AKAP6: variants seen among roughly 807,000 people sequenced by gnomAD.
The protein encoded by AKAP6 is A-kinase anchoring protein 6.
AKAP6 carries 58 observed loss-of-function variants against 188.5 expected under a neutral mutation model. The ratio of observed to expected loss-of-function variants is 0.31; its 90% confidence interval spans 0.25 to 0.38. AKAP6 has a LOEUF of 0.38. AKAP6 is among the 10% of genes least tolerant of loss of function. The pLI, the probability that AKAP6 is intolerant of heterozygous loss-of-function variation, is 1.00. For synonymous variants in AKAP6, 989 were observed against 998.6 expected, an observed-to-expected ratio of 0.99 and a Z score of 0.18; for missense variants, 2,710 against 2,740.0, an observed-to-expected ratio of 0.99 and a Z score of 0.24.
At chr14:32,533,779 C>T (rs1407463144) in intron 2 of AKAP6, among the ~76,000 whole-genome samples, 1 of 152,172 alleles carries the variant, frequency 6.6e-6, no homozygotes, top group Non-Finnish European at 1.5e-5. Flanking sequence ...AGTGAGAGCC[C>T]TGCTCTTTTG....
intron 1 of AKAP6, among the ~76,000 whole-genome samples, chr14:32,394,355 C>G (rs1316733043): frequency 6.6e-6 from 1 of 152,106 alleles, no homozygotes; most frequent in African/African-American, 2.4e-5. Context: ...TCCAAAGGAG[C>G]CTGGCAAGTA....
chr14:32,586,770 T>A (rs1036072230), intron 5 of AKAP6, among the ~76,000 whole-genome samples: 11 of 152,274 alleles, frequency 7.2e-5, no homozygotes, highest in Non-Finnish European at 2.9e-5. Flanking sequence ...TGCCATAATT[T>A]ACATAACCAG....
In AKAP6 at chr14:32,836,312, C is replaced by T. The variant is rs191537933; in HGVS notation, c.*6507C>T. On this transcript the variant is annotated 3_prime_UTR_variant, in exon 14 of 14. Coordinates refer to ENST00000280979, the MANE Select transcript of AKAP6 (RefSeq NM_004274.5). ...CTCACTTTCTGTTTCATTGATGCAC[C>T]TTACTGCATCCTCATCTGGTGGAAG... is the stretch of plus-strand genomic sequence containing the variant. 1.3e-5 allele frequency: 2 copies of T among 152,274 alleles called. No homozygotes were observed. Among genetic ancestry groups the T allele is most frequent in the African/African-American group, 4.8e-5 (2 of 41,550 alleles). The allele number at this position is 152,274 out of a possible 1,614,324, so 9.4% of individuals were successfully genotyped here.
intron 2 of AKAP6, among the ~76,000 whole-genome samples, chr14:32,503,556 C>A (rs899274727): frequency 6.6e-6 from 1 of 151,826 alleles, no homozygotes; most frequent in Admixed American, 6.6e-5. Context: ...TTTTGATCCC[C>A]TTTTGAATCT....
rs183547093 is a variant in AKAP6, at chr14:32,587,960, G to A, written c.2469+10718G>A. Among the ~76,000 whole-genome samples, 35 of 152,226 alleles carry A rather than the reference G, an allele frequency of 2.3e-4. No homozygotes were observed. In the East Asian group the frequency reaches 6.8e-3, roughly 29 times the overall value. On this transcript the variant is annotated intron_variant, in intron 5 of 13. Transcript: ENST00000280979. ...AGTACAGTGAGTATCAGGGGTACATGGTAAAGGTGGAGCAAGCTGTCTTTT... is the reference window on the plus strand; with the variant it reads ...AGTACAGTGAGTATCAGGGGTACATAGTAAAGGTGGAGCAAGCTGTCTTTT...
intron 9 of AKAP6, among the ~76,000 whole-genome samples, chr14:32,701,037 G>A (rs899434401): frequency 1.3e-5 from 2 of 152,108 alleles, no homozygotes; most frequent in African/African-American, 2.4e-5. Context: ...TTGTAGGTTA[G>A]TTACTCATAT....
Position 32,748,498 on chromosome 14 carries a change from A to C in AKAP6, c.3372+12616A>C, listed in dbSNP as rs962072076. On this transcript the variant is annotated intron_variant, in intron 11 of 13. Transcript: ENST00000280979. ...TTCTAAAGCATGAAACTGTACTTTC[A>C]AAAAAGCATTAACATTTAATAAAGC... 5.3e-5 allele frequency among the ~76,000 whole-genome samples: 8 copies of C among 152,212 alleles called. No individual in the cohort carries two copies. In the East Asian group the frequency reaches 1.5e-3, roughly 29 times the overall value.
chr14:32,814,846 A>G (rs6571557), intron 12 of AKAP6, among the ~76,000 whole-genome samples: 35,651 of 152,066 alleles, frequency 0.23, 4,491 homozygotes, highest in East Asian at 0.36. Flanking sequence ...CTCCTGCCTC[A>G]GCCTTACGAG....
rs557459393 is a variant in AKAP6, at chr14:32,754,244, A to G, written c.3372+18362A>G. Among the ~76,000 whole-genome samples, 3 of 152,160 alleles carry G rather than the reference A, an allele frequency of 2.0e-5. No homozygotes were observed. In the South Asian group the frequency reaches 6.2e-4, roughly 32 times the overall value. On this transcript the variant is annotated intron_variant, in intron 11 of 13. Coordinates refer to ENST00000280979, the MANE Select transcript of AKAP6 (RefSeq NM_004274.5). ...CTTTAGATGAATTTACGCCTTTATC[A>G]TTATAAAATGACCATCTTTGTCTCT...
intron 1 of AKAP6, among the ~76,000 whole-genome samples, chr14:32,428,159 T>C (rs190092688): frequency 6.6e-6 from 1 of 152,272 alleles, no homozygotes; most frequent in Non-Finnish European, 1.5e-5. Context: ...GCTTTAAGAT[T>C]GCTGGGGTTT....
intron 7 of AKAP6, among the ~76,000 whole-genome samples, chr14:32,639,289 T>C (rs1887656364): frequency 6.6e-6 from 1 of 152,114 alleles, no homozygotes; most frequent in Non-Finnish European, 1.5e-5. Flanking sequence ...AATAGAGATA[T>C]TTGTTCTCAG....
At position 32,567,363 on chromosome 14, in the gene AKAP6, A is replaced by C. The variant is rs150915606; in HGVS notation, c.2347-9757A>C. Among the ~76,000 whole-genome samples, 415 of 152,180 alleles carry C rather than the reference A, an allele frequency of 2.7e-3. 3 individuals carry two copies. Among genetic ancestry groups the C allele is most frequent in the African/African-American group, 9.5e-3 (396 of 41,526 alleles). ...TTTCTTTCTCCTTTACCCCTTTCCA[A>C]ACAGATGTGTTTAGATAATACTGTT... On this transcript the variant is annotated intron_variant, in intron 4 of 13. Coordinates refer to ENST00000280979, the MANE Select transcript of AKAP6 (RefSeq NM_004274.5).
chr14:32,640,109 AT>A (rs11380590), intron 7 of AKAP6, among the ~76,000 whole-genome samples: 3 of 151,924 alleles, frequency 2.0e-5, no homozygotes, highest in East Asian at 1.9e-4. Flanking sequence ...AATATTCTTC[AT>A]TTTTTTTATT....
chr14:32,477,382 T>C (rs1398742594), intron 2 of AKAP6, among the ~76,000 whole-genome samples: 4 of 152,142 alleles, frequency 2.6e-5, no homozygotes, highest in Non-Finnish European at 4.4e-5. Flanking sequence ...TTTATTTCCA[T>C]GCCTGGCGGT....
rs1381163820 is a variant in AKAP6 at position 32,837,511 on chromosome 14, G to A, written c.*7706G>A. 1 of 152,160 alleles carries A rather than the reference G, an allele frequency of 6.6e-6. No homozygotes were observed. The highest frequency in any genetic ancestry group is 1.9e-4 in the East Asian group (1 of 5,200). The allele number at this position is 152,160 out of a possible 1,614,324, so 9.4% of individuals were successfully genotyped here. ...AAATACTCTAAGGTTTATAGAATTA[G>A]TTTGGTTCCGTTAGTTGATCAAGTT... On this transcript the variant is annotated 3_prime_UTR_variant, in exon 14 of 14. Coordinates refer to ENST00000280979, the MANE Select transcript of AKAP6 (RefSeq NM_004274.5).
Position 32,824,681 on chromosome 14 carries a change from A to G in AKAP6, c.6868A>G (p.Lys2290Glu), listed in dbSNP as rs561896006. The change falls in exon 13 of 14, where the codon AAG becomes GAG. Residue 2290 changes from lysine (K) to glutamate (E), a missense_variant. By Grantham distance (56) the Lys-to-Glu change is moderately conservative. Coordinates refer to ENST00000280979, the MANE Select transcript of AKAP6 (RefSeq NM_004274.5). ...CTTGAAGGCAAATCAGCCAACAGAC[A>G]AGGCCGCATTGCATCCCAGCCCCAA... ...LSLKANQPTDKAALHPSPKTL... is the reference protein window; with the variant it reads ...LSLKANQPTDEAALHPSPKTL... 23 of 1,613,808 alleles carry G rather than the reference A, an allele frequency of 1.4e-5. No individual in the cohort carries two copies. In the South Asian group the frequency reaches 2.5e-4, roughly 18 times the overall value.
intron 11 of AKAP6, among the ~76,000 whole-genome samples, chr14:32,749,404 C>A (rs374163095): frequency 1.3e-5 from 2 of 152,120 alleles, no homozygotes; most frequent in Non-Finnish European, 2.9e-5. Flanking sequence ...TTTCCCTCAT[C>A]GAAAATGATA....
chr14:32,670,117 C>T (rs1889119239), intron 7 of AKAP6, among the ~76,000 whole-genome samples: 1 of 150,114 alleles, frequency 6.7e-6, no homozygotes, highest in Admixed American at 6.6e-5. Context: ...AAAAAAAGCC[C>T]CTTATAAAAC....
chr14:32,792,018 C>T (rs2033625653), intron 12 of AKAP6, among the ~76,000 whole-genome samples: 2 of 152,148 alleles, frequency 1.3e-5, no homozygotes, highest in Non-Finnish European at 2.9e-5. Flanking sequence ...GTTTTGGTTA[C>T]TGTAGCCTTG....
Sources: gnomAD v4.1 joint callset for allele counts (sites outside exome capture counted in the v4.1 genomes callset) on GRCh38, gnomAD v4.1.1 for gene constraint, MANE v1.5 for transcripts, NCBI Gene and HGNC (gene_info 2026-07-23, HGNC 2026-07-21) for gene names.